The following PKIA variants were observed in gnomAD, a reference collection of about 807,000 sequenced individuals.
The protein encoded by PKIA is PKI-alpha.
A neutral mutation model predicts 7.6 loss-of-function variants in PKIA; 4 were observed. The observed-to-expected ratio is 0.52, with a 90% CI of 0.26 to 1.20. PKIA has a LOEUF of 1.20. PKIA is among the 50% of genes most tolerant of loss of function. The pLI is 0.13. For synonymous variants in PKIA, 21 were observed against 30.7 expected (o/e 0.68, Z 1.04); for missense variants, 73 against 86.2 (o/e 0.85, Z 0.61).
intron 2 of PKIA, among the ~76,000 whole-genome samples, chr8:78,589,578 A>G (rs1037735758): frequency 6.6e-6 from 1 of 152,130 alleles, no homozygotes; most frequent in African/African-American, 2.4e-5. Context: ...CATTTGCAGG[A>G]ATGATGCAAA....
intron 2 of PKIA, chr8:78,591,292 AT>A (rs1204590175): frequency 6.5e-6 from 1 of 152,672 alleles, no homozygotes; most frequent in Non-Finnish European, 1.5e-5. Flanking sequence ...ACGTAAGTAC[AT>A]GCTTTTCATA....
intron 1 of PKIA, among the ~76,000 whole-genome samples, chr8:78,524,772 A>AT (rs1261497871): frequency 1.3e-5 from 2 of 151,994 alleles, no homozygotes; most frequent in Non-Finnish European, 2.9e-5. Context: ...TATCAGCATC[A>AT]TATACTAAGC....
At chr8:78,570,854 C>CCTCTCCTT (rs1227817340) in intron 1 of PKIA, among the ~76,000 whole-genome samples, 1 of 152,080 alleles carries the variant, frequency 6.6e-6, no homozygotes, top group Non-Finnish European at 1.5e-5. Context: ...CAAAAATTTA[C>CCTCTCCTT]CTCTCCTTCA....
chr8:78,559,217 C>T (rs1408981313), intron 1 of PKIA, among the ~76,000 whole-genome samples: 1 of 152,138 alleles, frequency 6.6e-6, no homozygotes, highest in African/African-American at 2.4e-5. Context: ...CCACCGTGCC[C>T]AGCCCTTTAT....
intron 2 of PKIA, among the ~76,000 whole-genome samples, chr8:78,584,952 CATA>C (rs1178721572): frequency 6.6e-6 from 1 of 151,828 alleles, no homozygotes; most frequent in Non-Finnish European, 1.5e-5. Flanking sequence ...GGAATAGAGT[CATA>C]ATAATAATTT....
chr8:78,516,994 C>T (rs1009478805), intron 1 of PKIA, among the ~76,000 whole-genome samples: 10 of 152,158 alleles, frequency 6.6e-5, no homozygotes, highest in Admixed American at 2.6e-4. Context: ...GGGGAAACTT[C>T]TCTTATCTCC....
intron 1 of PKIA, among the ~76,000 whole-genome samples, chr8:78,525,678 A>G (rs371350563): frequency 1.3e-5 from 2 of 152,054 alleles, no homozygotes; most frequent in African/African-American, 4.8e-5. Flanking sequence ...AGTTGTAACA[A>G]TTTTATTCTT....
intron 1 of PKIA, among the ~76,000 whole-genome samples, chr8:78,525,914 T>A (rs1285205300): frequency 6.6e-6 from 1 of 151,560 alleles, no homozygotes; most frequent in South Asian, 2.1e-4. Flanking sequence ...GTGTGATTTA[T>A]ACGTTACTCA....
chr8:78,532,631 G>A (rs1307527231), intron 1 of PKIA, among the ~76,000 whole-genome samples: 6 of 152,034 alleles, frequency 3.9e-5, no homozygotes, highest in East Asian at 1.9e-4. Flanking sequence ...CAGGCTGGAC[G>A]CAGTGGCTCA....
intron 3 of PKIA, among the ~76,000 whole-genome samples, chr8:78,599,335 T>A (rs1043866295): frequency 2.0e-5 from 3 of 152,066 alleles, no homozygotes; most frequent in African/African-American, 7.2e-5. Flanking sequence ...AACCCTGATA[T>A]TATGTGCATG....
chr8:78,547,933 C>A (rs1806874088), intron 1 of PKIA, among the ~76,000 whole-genome samples: 1 of 152,056 alleles, frequency 6.6e-6, no homozygotes, highest in Non-Finnish European at 1.5e-5. Flanking sequence ...TCAGAATTTT[C>A]ATGTTCACAG....
At chr8:78,527,376 AT>A (rs1239731846) in intron 1 of PKIA, among the ~76,000 whole-genome samples, 1 of 152,008 alleles carries the variant, frequency 6.6e-6, no homozygotes, top group Non-Finnish European at 1.5e-5. Context: ...AACTATAATT[AT>A]GTATATGTGT....
At chr8:78,587,119 T>C (rs956658800) in intron 2 of PKIA, among the ~76,000 whole-genome samples, 1 of 152,142 alleles carries the variant, frequency 6.6e-6, no homozygotes, top group African/African-American at 2.4e-5. Context: ...TTAATATGAG[T>C]TATTTTGATA....
chr8:78,535,918 G>A (rs1270470887), intron 1 of PKIA: 1 of 151,972 alleles, frequency 6.6e-6, no homozygotes, highest in East Asian at 1.9e-4. Context: ...GGAACCAATC[G>A]CCCCATGCAC....
intron 1 of PKIA, among the ~76,000 whole-genome samples, chr8:78,541,995 C>T (rs1024876260): frequency 5.9e-5 from 9 of 151,828 alleles, no homozygotes; most frequent in African/African-American, 1.2e-4. Context: ...CATAGTAAGA[C>T]CCTATCTCTA....
At position 78,561,083 on chromosome 8, in the gene PKIA, G is replaced by A. The variant is rs190527537; in HGVS notation, c.-156-11728G>A. Among the ~76,000 whole-genome samples the A allele has an allele frequency of 2.6e-5, 4 of 152,278 alleles. No homozygotes were observed. In the East Asian group the frequency reaches 7.7e-4, roughly 29 times the overall value. ...CAGTACAAATCTCACTAAATGATTA[G>A]TGTGTTTGGACTTGCATCTGCTGGT... is the stretch of plus-strand genomic sequence containing the variant. On this transcript the variant is annotated intron_variant, in intron 1 of 3. Coordinates refer to ENST00000396418, the MANE Select transcript of PKIA (RefSeq NM_006823.4).
chr8:78,550,373 T>C (rs1316912001), intron 1 of PKIA, among the ~76,000 whole-genome samples: 4 of 152,036 alleles, frequency 2.6e-5, no homozygotes, highest in African/African-American at 9.7e-5. Context: ...CATTCTTGGG[T>C]TGTAAAATAT....
At chr8:78,543,376 G>A (rs1398863536) in intron 1 of PKIA, among the ~76,000 whole-genome samples, 1 of 152,106 alleles carries the variant, frequency 6.6e-6, no homozygotes, top group Non-Finnish European at 1.5e-5. Flanking sequence ...TGCACACAAT[G>A]TCTTACATAT....
chr8:78,522,943 G>T (rs1375832881), intron 1 of PKIA, among the ~76,000 whole-genome samples: 1 of 151,668 alleles, frequency 6.6e-6, no homozygotes, highest in African/African-American at 2.4e-5. Context: ...TGATAACAGT[G>T]TCTTATTGAA....
Sources: gnomAD v4.1 joint callset for allele counts (sites outside exome capture counted in the v4.1 genomes callset) on GRCh38, gnomAD v4.1.1 for gene constraint, MANE v1.5 for transcripts, NCBI Gene and HGNC (gene_info 2026-07-23, HGNC 2026-07-21) for gene names.